TRABD2B: variants seen among roughly 807,000 people sequenced by gnomAD.
TRABD2B encodes TraB domain containing 2B.
TRABD2B carries 14 observed loss-of-function variants against 40.1 expected under a neutral mutation model. That is an observed-to-expected ratio of 0.35 (90% CI 0.23 to 0.55). TRABD2B has a LOEUF of 0.55. Among genes scored for constraint, TRABD2B ranks in the 20% least tolerant of loss-of-function variants. The pLI, the probability that TRABD2B is intolerant of heterozygous loss-of-function variation, is 0.90. For missense variants in TRABD2B, 541 were observed against 648.6 expected, an observed-to-expected ratio of 0.83 and a Z score of 1.80; for synonymous variants, 263 against 277.0, an observed-to-expected ratio of 0.95 and a Z score of 0.50.
chr1:47,987,230 G>A (rs1476587806), intron 2 of TRABD2B, among the ~76,000 whole-genome samples: 1 of 152,164 alleles, frequency 6.6e-6, no homozygotes, highest in Non-Finnish European at 1.5e-5. Context: ...GTTTGCGGAT[G>A]AGGGTTCTTG....
intron 2 of TRABD2B, among the ~76,000 whole-genome samples, chr1:47,806,151 T>C (rs1469698213): frequency 2.0e-5 from 3 of 152,256 alleles, no homozygotes; most frequent in Admixed American, 1.3e-4. Context: ...ACCAGCATCC[T>C]TGGTGCTTCC....
intron 2 of TRABD2B, among the ~76,000 whole-genome samples, chr1:47,949,401 C>CTTTTTTTTTT (rs35027686): frequency 3.6e-3 from 291 of 80,268 alleles, no homozygotes; most frequent in Middle Eastern, 0.014. Context: ...TCTTTTCTTT[C>CTTTTTTTTTT]TTTTTTTTTT....
intron 2 of TRABD2B, among the ~76,000 whole-genome samples, chr1:47,877,958 C>T (rs1395828066): frequency 5.3e-5 from 8 of 151,116 alleles, no homozygotes. Context: ...ACATGCACTC[C>T]AGCACTCTGC....
intron 2 of TRABD2B, among the ~76,000 whole-genome samples, chr1:47,908,873 C>T (rs1314038214): frequency 1.3e-5 from 2 of 152,246 alleles, no homozygotes; most frequent in African/African-American, 4.8e-5. Context: ...TTAGGACAGT[C>T]TGTCTGAACT....
chr1:47,959,029 A>G (rs1301902215), intron 2 of TRABD2B, among the ~76,000 whole-genome samples: 1 of 152,240 alleles, frequency 6.6e-6, no homozygotes, highest in Non-Finnish European at 1.5e-5. Flanking sequence ...ACCACAGTGC[A>G]ATCAAACTAG....
At chr1:47,970,848 T>C (rs1356859638) in intron 2 of TRABD2B, among the ~76,000 whole-genome samples, 1 of 152,110 alleles carries the variant, frequency 6.6e-6, no homozygotes, top group Non-Finnish European at 1.5e-5. Context: ...TGAGCTCAAC[T>C]AAAGCAAGCA....
chr1:47,943,602 G>A (rs1323785883), intron 2 of TRABD2B, among the ~76,000 whole-genome samples: 4 of 152,108 alleles, frequency 2.6e-5, no homozygotes, highest in Admixed American at 2.6e-4. Context: ...CCCCACTCAC[G>A]CTAGAACTTA....
chr1:47,973,585 C>T (rs1000913152), intron 2 of TRABD2B, among the ~76,000 whole-genome samples: 1 of 152,164 alleles, frequency 6.6e-6, no homozygotes, highest in African/African-American at 2.4e-5. Flanking sequence ...CCAAAATGTG[C>T]AAGTGCCACC....
intron 2 of TRABD2B, among the ~76,000 whole-genome samples, chr1:47,923,892 C>T (rs1037249689): frequency 6.6e-6 from 1 of 150,412 alleles, no homozygotes; most frequent in African/African-American, 2.5e-5. Flanking sequence ...CTCTCTCTCT[C>T]ACTCTCTACA....
At chr1:47,963,497 G>A (rs1443823650) in intron 2 of TRABD2B, among the ~76,000 whole-genome samples, 2 of 152,228 alleles carry the variant, frequency 1.3e-5, no homozygotes, top group South Asian at 2.1e-4. Flanking sequence ...AAAGAAACAT[G>A]AGAGTAACTT....
chr1:47,916,158 G>A lies in TRABD2B; in HGVS notation c.666+77876C>T, dbSNP rs1319343043. 4.3e-5 allele frequency among the ~76,000 whole-genome samples: 6 copies of A among 139,768 alleles called. No homozygotes were observed. In the East Asian group the frequency reaches 1.5e-3, roughly 36 times the overall value. 91.7% of individuals were successfully genotyped at this position (139,768 alleles called of 152,430 possible). On this transcript the variant is annotated intron_variant, in intron 2 of 6. Coordinates refer to ENST00000606738, the MANE Select transcript of TRABD2B (RefSeq NM_001194986.2). ...TCACTCCTCACTAGCTGGGCGGGGGGCGGGGTTTGAGGGGGAAATGCAGTC... is the reference window on the plus strand; with the variant it reads ...TCACTCCTCACTAGCTGGGCGGGGGACGGGGTTTGAGGGGGAAATGCAGTC...
intron 2 of TRABD2B, among the ~76,000 whole-genome samples, chr1:47,930,229 G>A (rs914025111): frequency 2.0e-5 from 3 of 152,250 alleles, no homozygotes; most frequent in South Asian, 2.1e-4. Context: ...AGATGCCAGA[G>A]AAGAGAAAGA....
At chr1:47,898,254 C>T (rs190771259) in intron 2 of TRABD2B, among the ~76,000 whole-genome samples, 2 of 152,294 alleles carry the variant, frequency 1.3e-5, no homozygotes, top group Admixed American at 6.5e-5. Context: ...GTCACAACCT[C>T]CCCCATTCCC....
At chr1:47,771,896 G>A (rs757842020) in intron 6 of TRABD2B, among the ~76,000 whole-genome samples, 11 of 152,186 alleles carry the variant, frequency 7.2e-5, no homozygotes, top group Non-Finnish European at 1.3e-4. Context: ...GTGGCATCCG[G>A]GACAGGCACT....
intron 2 of TRABD2B, among the ~76,000 whole-genome samples, chr1:47,947,187 T>C (rs1031636052): frequency 6.6e-6 from 1 of 152,238 alleles, no homozygotes; most frequent in Non-Finnish European, 1.5e-5. Flanking sequence ...GCTTATGTTC[T>C]TCCCACCTTA....
At chr1:47,944,768 C>T (rs765893052) in intron 2 of TRABD2B, among the ~76,000 whole-genome samples, 4 of 152,158 alleles carry the variant, frequency 2.6e-5, no homozygotes, top group African/African-American at 2.4e-5. Context: ...AAGCAGCTCA[C>T]GGACATGGCT....
chr1:47,982,985 C>T (rs1255179711), intron 2 of TRABD2B, among the ~76,000 whole-genome samples: 1 of 152,192 alleles, frequency 6.6e-6, no homozygotes, highest in Non-Finnish European at 1.5e-5. Flanking sequence ...ACATCACTGT[C>T]TATACCCAGA....
intron 2 of TRABD2B, among the ~76,000 whole-genome samples, chr1:47,824,986 C>T (rs1406739300): frequency 2.0e-5 from 3 of 152,214 alleles, no homozygotes; most frequent in Non-Finnish European, 4.4e-5. Context: ...GGTCAGAAGT[C>T]CCTGCGACGA....
At chr1:47,833,977 C>T (rs1645284112) in intron 2 of TRABD2B, among the ~76,000 whole-genome samples, 1 of 152,156 alleles carries the variant, frequency 6.6e-6, no homozygotes, top group Non-Finnish European at 1.5e-5. Flanking sequence ...TTTAACTTGC[C>T]CTATTACCCA....
Sources: allele counts gnomAD v4.1 joint callset (sites outside exome capture counted in the v4.1 genomes callset), GRCh38; gene constraint gnomAD v4.1.1; transcripts MANE v1.5; gene names NCBI Gene and HGNC (gene_info 2026-07-23, HGNC 2026-07-21).